SOX5: variants seen among roughly 807,000 people sequenced by gnomAD.
SOX5 encodes SRY-box transcription factor 5.
In SOX5, 9 loss-of-function variants were observed where a neutral mutation model predicts 92.0. The observed-to-expected ratio is 0.10, with a 90% CI of 0.06 to 0.17. The LOEUF (loss-of-function observed/expected upper bound fraction) is 0.17. SOX5 is among the 10% of genes least tolerant of loss of function. The probability of loss-of-function intolerance (pLI) is 1.00; values close to 1 mark genes in which losing one functional copy is unlikely to be tolerated. For missense variants in SOX5, 642 were observed against 944.5 expected (o/e 0.68, Z 4.20); for synonymous variants, 344 against 336.3 (o/e 1.02, Z -0.25).
chr12:23,899,395 C>T lies in SOX5; in HGVS notation c.39-3371G>A, dbSNP rs145779006. On this transcript the variant is annotated intron_variant, in intron 1 of 14. Coordinates refer to ENST00000451604, the MANE Select transcript of SOX5 (RefSeq NM_006940.6). Reference sequence around the variant, plus strand: ...AGCCTGGGCAACAAAAGCAAAACTCCGTCTGAAAAAAAAGAAAAAAAAAAA... The same window carrying T: ...AGCCTGGGCAACAAAAGCAAAACTCTGTCTGAAAAAAAAGAAAAAAAAAAA... Among the ~76,000 whole-genome samples, 777 of 146,966 alleles carry T rather than the reference C, an allele frequency of 5.3e-3. 4 individuals are homozygous for T. Among genetic ancestry groups the T allele is most frequent in the Non-Finnish European group, 8.4e-3 (564 of 67,382 alleles).
At position 23,600,552 on chromosome 12, in the gene SOX5, T is replaced by TATAC. The variant is rs745640453; in HGVS notation, c.1164+3834_1164+3835insGTAT. On this transcript the variant is annotated intron_variant, in intron 9 of 14. Transcript: ENST00000451604. Reference sequence around the variant, plus strand: ...ATATATATATATATATATATATATATACACATACTTGGCTTGGGACTAAAA... The same window carrying TATAC: ...ATATATATATATATATATATATATATATACACACATACTTGGCTTGGGACTAAAA... Among the ~76,000 whole-genome samples, 66 of 95,262 alleles carry TATAC rather than the reference T, an allele frequency of 6.9e-4. 2 individuals are homozygous for TATAC. Among genetic ancestry groups the TATAC allele is most frequent in the Admixed American group, 2.8e-3 (25 of 8,934 alleles). The allele number at this position is 95,262 out of a possible 152,430, so 62.5% of individuals were successfully genotyped here.
At chr12:23,999,834 G>A (rs186128079) in intron 4 of SOX5, among the ~76,000 whole-genome samples, 4 of 151,940 alleles carry the variant, frequency 2.6e-5, no homozygotes, top group Admixed American at 2.6e-4. Flanking sequence ...CAAATAATGA[G>A]AGAGTACTGT....
chr12:24,375,220 G>T (rs1024425300), intron 1 of SOX5, among the ~76,000 whole-genome samples: 16 of 151,574 alleles, frequency 1.1e-4, no homozygotes, highest in South Asian at 8.4e-4. Context: ...TGATCCACCC[G>T]CCTCAGCCTC....
intron 9 of SOX5, among the ~76,000 whole-genome samples, chr12:23,593,955 G>C (rs1951958354): frequency 6.6e-6 from 1 of 151,992 alleles, no homozygotes; most frequent in Non-Finnish European, 1.5e-5. Flanking sequence ...TATGTGACTT[G>C]TTTATCTACT....
intron 6 of SOX5, among the ~76,000 whole-genome samples, chr12:23,711,739 A>C (rs2092073492): frequency 6.6e-6 from 1 of 152,240 alleles, no homozygotes; most frequent in Non-Finnish European, 1.5e-5. Flanking sequence ...GCTTAAAAAT[A>C]TTATATTGAT....
chr12:24,231,659 G>T (rs1963430253), intron 3 of SOX5, among the ~76,000 whole-genome samples: 3 of 152,108 alleles, frequency 2.0e-5, no homozygotes, highest in Admixed American at 1.3e-4. Context: ...TGATTGATAC[G>T]ACTATGCCGG....
intron 4 of SOX5, among the ~76,000 whole-genome samples, chr12:24,213,074 A>C (rs1232332105): frequency 6.6e-6 from 1 of 152,232 alleles, no homozygotes; most frequent in Non-Finnish European, 1.5e-5. Flanking sequence ...AAGGAAAAAA[A>C]TATAGAAAAA....
At chr12:23,542,444 T>C (rs906768452) in intron 13 of SOX5, among the ~76,000 whole-genome samples, 3 of 152,114 alleles carry the variant, frequency 2.0e-5, no homozygotes, top group Admixed American at 2.0e-4. Context: ...AATCTTCTTT[T>C]TTTCTTTTTC....
chr12:23,934,349 ACATATAAAATATT>A (rs1249743894), intron 1 of SOX5, among the ~76,000 whole-genome samples: 2 of 150,886 alleles, frequency 1.3e-5, no homozygotes, highest in African/African-American at 4.8e-5. Flanking sequence ...ACACATACAT[ACATATAAAATATT>A]CATGTCAAAA....
rs188768762 is a variant in SOX5, at chr12:24,132,971, A to C, written c.-2+80372T>G. Reference sequence around the variant, plus strand: ...CATTACATCAGGAGACCAGGATTGCAGTAAGTAAAAGATAAAGTCAACCTA... The same window carrying C: ...CATTACATCAGGAGACCAGGATTGCCGTAAGTAAAAGATAAAGTCAACCTA... On this transcript the variant is annotated intron_variant, in intron 4 of 4. Coordinates refer to the SOX5 transcript ENST00000446891. 2.7e-3 allele frequency among the ~76,000 whole-genome samples: 412 copies of C among 152,342 alleles called. 4 individuals carry two copies. The highest frequency in any genetic ancestry group is 0.01 in the Middle Eastern group (3 of 294).
At chr12:23,582,121 T>C in intron 9 of SOX5, 2 of 983,158 alleles carry the variant, frequency 2.0e-6, no homozygotes, top group Non-Finnish European at 2.4e-6. Context: ...GGAAGTTACA[T>C]GACAGCCTGA....
At chr12:23,881,683 C>T (rs570817148) in intron 2 of SOX5, among the ~76,000 whole-genome samples, 100 of 152,242 alleles carry the variant, frequency 6.6e-4, no homozygotes, top group African/African-American at 2.3e-3. Context: ...TAAAGATTAT[C>T]CCTAAGAAAG....
At chr12:23,859,291 A>G (rs1271923586) in intron 2 of SOX5, among the ~76,000 whole-genome samples, 2 of 152,114 alleles carry the variant, frequency 1.3e-5, no homozygotes, top group African/African-American at 4.8e-5. Flanking sequence ...GAATATTAAT[A>G]ATTGATAACC....
chr12:24,423,457 T>G (rs1000023632), intron 1 of SOX5, among the ~76,000 whole-genome samples: 7 of 152,228 alleles, frequency 4.6e-5, no homozygotes, highest in Non-Finnish European at 1.0e-4. Context: ...ATTGTGAGAT[T>G]TCAATGAGGC....
At chr12:24,285,669 T>G (rs1945780465) in intron 2 of SOX5, among the ~76,000 whole-genome samples, 1 of 152,194 alleles carries the variant, frequency 6.6e-6, no homozygotes, top group Non-Finnish European at 1.5e-5. Context: ...AGTTTATGTC[T>G]TAGACAAGAC....
At chr12:24,061,117 C>CT (rs374009454) in intron 4 of SOX5, among the ~76,000 whole-genome samples, 173 of 148,140 alleles carry the variant, frequency 1.2e-3, no homozygotes, top group African/African-American at 2.8e-3. Flanking sequence ...TTTCCTCCTC[C>CT]TTTTTTTTTT....
intron 3 of SOX5, among the ~76,000 whole-genome samples, chr12:23,759,908 G>A (rs1411010510): frequency 1.3e-5 from 2 of 152,014 alleles, no homozygotes; most frequent in African/African-American, 4.8e-5. Flanking sequence ...CCAGTTATTT[G>A]CAAATGTTCA....
At chr12:23,982,049 A>C (rs16926921) in intron 4 of SOX5, among the ~76,000 whole-genome samples, 34,032 of 152,148 alleles carry the variant, frequency 0.22, 4,032 homozygotes, top group African/African-American at 0.25. Flanking sequence ...ATATTCTGTG[A>C]AGTATGATTG....
At chr12:24,179,914 A>G (rs923153343) in intron 4 of SOX5, among the ~76,000 whole-genome samples, 10 of 151,578 alleles carry the variant, frequency 6.6e-5, no homozygotes, top group Non-Finnish European at 1.2e-4. Flanking sequence ...AGAGAAAGGC[A>G]TATTAGGCCT....
Sources: allele counts gnomAD v4.1 joint callset (sites outside exome capture counted in the v4.1 genomes callset), GRCh38; gene constraint gnomAD v4.1.1; transcripts MANE v1.5; gene names NCBI Gene and HGNC (gene_info 2026-07-23, HGNC 2026-07-21).